The following HMGB1 variants were observed in gnomAD, a reference collection of about 807,000 sequenced individuals.
The protein encoded by HMGB1 is high mobility group protein B1.
For synonymous variants in HMGB1, 81 were observed against 84.0 expected (o/e 0.96, Z 0.19); for missense variants, 79 against 253.5 (o/e 0.31, Z 4.67).
rs1886682201 is a variant in HMGB1 at position 30,465,119 on chromosome 13, T to C, written c.-15+677A>G. On this transcript the variant is annotated intron_variant, in intron 1 of 4. Transcript: ENST00000341423. The stretch of plus-strand genomic sequence containing the variant: ...TCCCCCGCCCGCCCGCCTTGTTTTC[T>C]CTCCAGCCAGCAGCGCCGGGCCCGA... 20 of 955,580 alleles carry C rather than the reference T, an allele frequency of 2.1e-5. 1 individual carries two copies. The South Asian group carries it at 8.6e-4, about 41-fold the overall frequency. 59.2% of individuals were successfully genotyped at this position (955,580 alleles called of 1,614,324 possible).
chr13:30,475,226 T>TC (rs1215378745), intron 1 of HMGB1, among the ~76,000 whole-genome samples: 42 of 22,816 alleles, frequency 1.8e-3, no homozygotes, highest in East Asian at 0.012. Flanking sequence ...TCTCTCTCTC[T>TC]TTTTTTTTTT....
intron 1 of HMGB1, among the ~76,000 whole-genome samples, chr13:30,610,013 T>A (rs1439987599): frequency 1.3e-5 from 2 of 152,220 alleles, no homozygotes; most frequent in Admixed American, 6.5e-5. Flanking sequence ...AATGTGAAGG[T>A]GACAAGGACG....
intron 1 of HMGB1, among the ~76,000 whole-genome samples, chr13:30,610,812 C>A (rs1950506505): frequency 6.6e-6 from 1 of 151,346 alleles, no homozygotes; most frequent in Non-Finnish European, 1.5e-5. Context: ...AATAAACTTA[C>A]AAAATCAGAT....
At chr13:30,517,631 C>A (rs1392892501) in intron 1 of HMGB1, among the ~76,000 whole-genome samples, 1 of 152,168 alleles carries the variant, frequency 6.6e-6, no homozygotes, top group African/African-American at 2.4e-5. Flanking sequence ...TCAAATGATC[C>A]GCCCGCCTTG....
At chr13:30,470,608 T>C (rs1482497818), upstream of HMGB1, among the ~76,000 whole-genome samples, 1 of 152,188 alleles carries the variant, frequency 6.6e-6, no homozygotes, top group African/African-American at 2.4e-5. Context: ...AACTGCAAGA[T>C]TGTCTGCCCA....
At chr13:30,480,777 C>G (rs559901591) in intron 1 of HMGB1, among the ~76,000 whole-genome samples, 238 of 152,124 alleles carry the variant, frequency 1.6e-3, no homozygotes, top group South Asian at 0.015. Flanking sequence ...CCCCGCCCTT[C>G]TCTCTCATGC....
intron 1 of HMGB1, among the ~76,000 whole-genome samples, chr13:30,582,662 C>T (rs1048952546): frequency 1.3e-5 from 2 of 151,686 alleles, no homozygotes; most frequent in African/African-American, 2.4e-5. Context: ...AAACCATCCA[C>T]CAAAATGGGA....
chr13:30,537,390 A>C (rs1383475805), intron 1 of HMGB1, among the ~76,000 whole-genome samples: 1 of 151,956 alleles, frequency 6.6e-6, no homozygotes, highest in Non-Finnish European at 1.5e-5. Context: ...AAAATGAACA[A>C]ACATTTTGTG....
intron 1 of HMGB1, among the ~76,000 whole-genome samples, chr13:30,591,356 G>A (rs569580602): frequency 6.6e-6 from 1 of 151,950 alleles, no homozygotes; most frequent in South Asian, 2.1e-4. Context: ...TTACAGAGAA[G>A]CCTGTTTAAG....
intron 4 of HMGB1, among the ~76,000 whole-genome samples, chr13:30,462,138 T>C (rs1886385639): frequency 6.6e-6 from 1 of 152,220 alleles, no homozygotes; most frequent in African/African-American, 2.4e-5. Flanking sequence ...CTGTGGTTTT[T>C]TGAGTATCTA....
intron 1 of HMGB1, among the ~76,000 whole-genome samples, chr13:30,567,576 T>G (rs540123432): frequency 4.7e-4 from 72 of 152,250 alleles, no homozygotes; most frequent in African/African-American, 1.7e-3. Flanking sequence ...AGTCTTAAAC[T>G]CCTGACCTCG....
intron 1 of HMGB1, among the ~76,000 whole-genome samples, chr13:30,571,468 T>G (rs573887616): frequency 1.3e-5 from 2 of 152,122 alleles, no homozygotes; most frequent in Non-Finnish European, 2.9e-5. Flanking sequence ...CTAATTTTTT[T>G]TATTTTTAGT....
intron 1 of HMGB1, among the ~76,000 whole-genome samples, chr13:30,588,504 A>G (rs781687455): frequency 6.6e-6 from 1 of 152,224 alleles, no homozygotes; most frequent in Non-Finnish European, 1.5e-5. Flanking sequence ...CAGCGGGGGA[A>G]AAAACAGAAT....
intron 1 of HMGB1, among the ~76,000 whole-genome samples, chr13:30,556,108 G>A (rs9508796): frequency 0.76 from 115,952 of 152,216 alleles, 46,747 homozygotes; most frequent in Middle Eastern, 0.91. Context: ...AGAATTCATT[G>A]AAACAAGTCA....
At position 30,555,083 on chromosome 13, in the gene HMGB1, C is replaced by T. The variant is rs527667516; in HGVS notation, c.-15+61588G>A. ...TGAGACGGAGTCTCTGCTCTGTTGC[C>T]CAGGCTGGAGTACAGTGGCGCGATC... is the stretch of plus-strand genomic sequence containing the variant. On this transcript the variant is annotated intron_variant, in intron 1 of 4. Transcript: ENST00000405805. 1.0e-3 allele frequency among the ~76,000 whole-genome samples: 126 copies of T among 122,880 alleles called. 1 individual carries two copies. Among genetic ancestry groups the T allele is most frequent in the Middle Eastern group, 0.02 (2 of 98 alleles). The allele number at this position is 122,880 out of a possible 152,430, so 80.6% of individuals were successfully genotyped here. A position where few individuals can be genotyped will look rare whatever the true frequency, so the allele number is the denominator to read the frequency against.
chr13:30,616,950 T>C (rs993385391), exon 1 of HMGB1: 4 of 152,128 alleles, frequency 2.6e-5, no homozygotes, highest in African/African-American at 9.7e-5. Context: ...ACAGAACCAA[T>C]CGACCAAAAG....
chr13:30,478,996 A>G (rs1351409529), intron 1 of HMGB1, among the ~76,000 whole-genome samples: 2 of 151,806 alleles, frequency 1.3e-5, no homozygotes, highest in African/African-American at 4.8e-5. Flanking sequence ...AGCCTCCCAA[A>G]TAGCTGGGCC....
At chr13:30,471,015 A>G (rs997020379) in intron 1 of HMGB1, among the ~76,000 whole-genome samples, 9 of 151,184 alleles carry the variant, frequency 6.0e-5, no homozygotes, top group South Asian at 2.1e-4. Flanking sequence ...GGCTTGCTCT[A>G]TTGCCCAGGT....
At chr13:30,591,967 T>C (rs1226043276) in intron 1 of HMGB1, among the ~76,000 whole-genome samples, 2 of 152,190 alleles carry the variant, frequency 1.3e-5, no homozygotes, top group Non-Finnish European at 1.5e-5. Flanking sequence ...AGTTATATTA[T>C]ATACTATAGT....
Sources: allele counts gnomAD v4.1 joint callset (sites outside exome capture counted in the v4.1 genomes callset), GRCh38; gene constraint gnomAD v4.1.1; transcripts MANE v1.5; gene names NCBI Gene and HGNC (gene_info 2026-07-23, HGNC 2026-07-21).